Variants in INTS7 observed in about 807,000 individuals in gnomAD.
INTS7 encodes chromosome 1 open reading frame 73.
Under a neutral mutation model 109.2 loss-of-function variants are expected in INTS7, and 46 were observed. The observed-to-expected ratio is 0.42, with a 90% CI of 0.33 to 0.54. The LOEUF (loss-of-function observed/expected upper bound fraction) is 0.54, where lower values mean the gene tolerates loss of function less well. Among genes scored for constraint, INTS7 ranks in the 20% least tolerant of loss-of-function variants. The probability of loss-of-function intolerance (pLI) is 0.07; values close to 1 mark genes in which losing one functional copy is unlikely to be tolerated. For synonymous variants in INTS7, 412 were observed against 402.9 expected (o/e 1.02, Z -0.27); for missense variants, 929 against 1,132.4 (o/e 0.82, Z 2.58).
chr1:211,957,284 G>A (rs923348828), intron 16 of INTS7, among the ~76,000 whole-genome samples: 1 of 151,696 alleles, frequency 6.6e-6, no homozygotes, highest in African/African-American at 2.4e-5. Context: ...GGTGTCTCAT[G>A]CCTATAATCC....
At chr1:211,981,866 T>C (rs995858553) in intron 9 of INTS7, among the ~76,000 whole-genome samples, 1 of 152,222 alleles carries the variant, frequency 6.6e-6, no homozygotes, top group Non-Finnish European at 1.5e-5. Context: ...ATACTCTTTG[T>C]GATGCCAATA....
intron 7 of INTS7, among the ~76,000 whole-genome samples, chr1:211,991,999 G>A (rs1665167816): frequency 6.6e-6 from 1 of 152,156 alleles, no homozygotes; most frequent in Non-Finnish European, 1.5e-5. Flanking sequence ...CAGGGGATGA[G>A]GAAATAAAAG....
At chr1:211,951,225 G>T (rs548080594) in intron 17 of INTS7, among the ~76,000 whole-genome samples, 1 of 152,180 alleles carries the variant, frequency 6.6e-6, no homozygotes, top group African/African-American at 2.4e-5. Context: ...CCCCAAATTC[G>T]TATGTGGAAG....
intron 7 of INTS7, among the ~76,000 whole-genome samples, chr1:211,999,932 C>A (rs1342590328): frequency 1.3e-5 from 2 of 151,970 alleles, no homozygotes; most frequent in Non-Finnish European, 2.9e-5. Flanking sequence ...GGGTGAAACC[C>A]TGTCTCTACT....
At chr1:212,031,076 AT>A (rs1667139246) in intron 1 of INTS7, 1 of 152,208 alleles carries the variant, frequency 6.6e-6, no homozygotes, top group African/African-American at 2.4e-5. Flanking sequence ...CTAGTAACAA[AT>A]CTATCCTCTA....
At chr1:211,994,423 CTT>C (rs1281380292) in intron 7 of INTS7, among the ~76,000 whole-genome samples, 24 of 133,596 alleles carry the variant, frequency 1.8e-4, no homozygotes, top group Non-Finnish European at 1.4e-4. Context: ...AAAAAATTCT[CTT>C]TTTTTTTTTT....
At chr1:211,944,123 C>G (rs1015391384) in intron 19 of INTS7, among the ~76,000 whole-genome samples, 1 of 150,408 alleles carries the variant, frequency 6.6e-6, no homozygotes, top group African/African-American at 2.4e-5. Context: ...TATAGAAATG[C>G]TATATACTTT....
At chr1:211,975,611 GA>G (rs1354191199) in intron 12 of INTS7, among the ~76,000 whole-genome samples, 2 of 152,192 alleles carry the variant, frequency 1.3e-5, no homozygotes, top group Admixed American at 1.3e-4. Flanking sequence ...AGTTCCGAAA[GA>G]GAAAATAAAT....
intron 12 of INTS7, 119 bp downstream of exon 12, chr1:211,976,463 T>A (rs1016921563): frequency 1.0e-5 from 9 of 865,210 alleles, no homozygotes; most frequent in Non-Finnish European, 1.6e-5. Context: ...TCAGAACCCA[T>A]GACTAAAAGG....
In INTS7 at chr1:211,967,919, T is replaced by C. The variant is rs1248892273; in HGVS notation, c.2073A>G (p.Ala691=). ...AAGTTGCTGAGTCAGCATCAAAAGA[T>C]GCCTGGTAAAGATCTCCATATCGAG... ...LASRYGDLYQ[A]SFDADSATLR... The change falls in exon 15 of 20, where the codon GCA becomes GCG. Residue 691 remains alanine (A), a synonymous_variant. Transcript: ENST00000366994. The C allele has an allele frequency of 6.2e-7, 1 of 1,610,034 alleles. No homozygotes were observed. The highest frequency in any genetic ancestry group is 8.5e-7 in the Non-Finnish European group (1 of 1,177,828).
intron 1 of INTS7, among the ~76,000 whole-genome samples, chr1:212,021,558 A>T (rs759242300): frequency 6.6e-6 from 1 of 151,848 alleles, no homozygotes; most frequent in Non-Finnish European, 1.5e-5. Flanking sequence ...AAAAAAAAGC[A>T]CGTTTAACCC....
At chr1:212,017,075 C>G in intron 3 of INTS7, 52 bp from the exon 4 acceptor site, 1 of 1,484,514 alleles carries the variant, frequency 6.7e-7, no homozygotes, top group Non-Finnish European at 9.0e-7. Context: ...AAGTCAAGGT[C>G]AGAAAAGTAA....
In INTS7 at chr1:211,948,803, G is replaced by A. The variant is rs145653107; in HGVS notation, c.2317-2098C>T. Among the ~76,000 whole-genome samples the A allele has an allele frequency of 4.6e-3, 698 of 152,338 alleles. 5 individuals carry two copies. The highest frequency in any genetic ancestry group is 8.3e-3 in the Non-Finnish European group (563 of 68,026). On this transcript the variant is annotated intron_variant, in intron 17 of 19. Coordinates refer to ENST00000366994, the MANE Select transcript of INTS7 (RefSeq NM_015434.4). Reference sequence around the variant, plus strand: ...GCTCACTGCACCCTCGGCCTCCCAGGTTCAAGCAATTCTCCAGCATCAGCC... The same window carrying A: ...GCTCACTGCACCCTCGGCCTCCCAGATTCAAGCAATTCTCCAGCATCAGCC...
At position 211,974,276 on chromosome 1, in the gene INTS7, A is replaced by ATATATATATATAT. The variant is rs1553249482; in HGVS notation, c.1815+889_1815+890insATATATATATATA. On this transcript the variant is annotated intron_variant, in intron 13 of 19. Coordinates refer to ENST00000366994, the MANE Select transcript of INTS7 (RefSeq NM_015434.4). The stretch of plus-strand genomic sequence containing the variant: ...CAACAATCTCTTCCCAGAAAAAAAA[A>ATATATATATATAT]ATATATATATATATATATATATATA... 1.4e-4 allele frequency among the ~76,000 whole-genome samples: 13 copies of ATATATATATATAT among 92,408 alleles called. No individual in the cohort carries two copies. The East Asian group carries it at 2.3e-3, about 16-fold the overall frequency. 60.6% of individuals were successfully genotyped at this position (92,408 alleles called of 152,430 possible). A position where few individuals can be genotyped will look rare whatever the true frequency, so the allele number is the denominator to read the frequency against.
chr1:211,964,663 C>T (rs11962855), intron 16 of INTS7, among the ~76,000 whole-genome samples: 1 of 152,098 alleles, frequency 6.6e-6, no homozygotes, highest in African/African-American at 2.4e-5. Context: ...AGAAACAAGG[C>T]CACACACTCC....
Position 211,986,018 on chromosome 1 carries a change from A to G in INTS7, c.997+1868T>C, listed in dbSNP as rs1179574150. Among the ~76,000 whole-genome samples, 3 of 152,226 alleles carry G rather than the reference A, an allele frequency of 2.0e-5. No homozygotes were observed. In the East Asian group the frequency reaches 5.8e-4, roughly 29 times the overall value. ...TCCCTTGTGGACATGCTCCTTTACC[A>G]TGTGATCTTCCAATTCCATGTGACT... is the stretch of plus-strand genomic sequence containing the variant. On this transcript the variant is annotated intron_variant, in intron 8 of 19. Coordinates refer to ENST00000366994, the MANE Select transcript of INTS7 (RefSeq NM_015434.4).
At chr1:212,013,167 G>A (rs1016214699) in intron 4 of INTS7, among the ~76,000 whole-genome samples, 5 of 152,288 alleles carry the variant, frequency 3.3e-5, no homozygotes, top group African/African-American at 7.2e-5. Flanking sequence ...CTGACCCTGT[G>A]TAGGTCTAGG....
intron 19 of INTS7, among the ~76,000 whole-genome samples, chr1:211,944,002 C>A (rs1159840968): frequency 6.6e-6 from 1 of 152,172 alleles, no homozygotes; most frequent in Non-Finnish European, 1.5e-5. Flanking sequence ...TTAGCTCTGG[C>A]TAACAATGTA....
chr1:211,982,614 CAG>C (rs1664711050), intron 9 of INTS7, 60 bp downstream of exon 9: 1 of 1,339,100 alleles, frequency 7.5e-7, no homozygotes, highest in African/African-American at 1.5e-5. Flanking sequence ...AAAAATCAAA[CAG>C]AATTCTGTCC....
Sources: allele counts gnomAD v4.1 joint callset (sites outside exome capture counted in the v4.1 genomes callset), GRCh38; gene constraint gnomAD v4.1.1; transcripts MANE v1.5; gene names NCBI Gene and HGNC (gene_info 2026-07-23, HGNC 2026-07-21).